KATNA1: variants seen among roughly 807,000 people sequenced by gnomAD.
KATNA1 encodes the protein katanin p60 ATPase-containing subunit A1.
Under a neutral mutation model 62.6 loss-of-function variants are expected in KATNA1, and 42 were observed. That is an observed-to-expected ratio of 0.67 (90% CI 0.52 to 0.87). The LOEUF (loss-of-function observed/expected upper bound fraction) is 0.87. KATNA1 is among the 40% of genes least tolerant of loss of function. The pLI, the probability that KATNA1 is intolerant of heterozygous loss-of-function variation, is 0.00. For missense variants in KATNA1, 498 were observed against 612.5 expected (o/e 0.81, Z 1.97); for synonymous variants, 186 against 201.9 (o/e 0.92, Z 0.67).
At chr6:149,614,921 G>C (rs1779102321) in intron 4 of KATNA1, among the ~76,000 whole-genome samples, 1 of 152,170 alleles carries the variant, frequency 6.6e-6, no homozygotes, top group East Asian at 1.9e-4. Context: ...GATCACTTGA[G>C]GTCAAGAGTT....
At chr6:149,611,774 T>C (rs1160078190) in intron 4 of KATNA1, among the ~76,000 whole-genome samples, 5 of 151,864 alleles carry the variant, frequency 3.3e-5, no homozygotes, top group African/African-American at 7.3e-5. Flanking sequence ...TCAAGGTGGG[T>C]GGATCACGAG....
chr6:149,632,838 T>C lies in KATNA1; in HGVS notation c.241A>G (p.Thr81Ala). Reference sequence around the variant, plus strand: ...TCATGCTGTGCCGCTTTCAAGGGAGTGCTGTCCAGTTTAAAGCTCTCTAGT... The same window carrying C: ...TCATGCTGTGCCGCTTTCAAGGGAGCGCTGTCCAGTTTAAAGCTCTCTAGT... The part of the protein sequence containing the change: ...KTLESFKLDS[T>A]PLKAAQHDLP... Residue 81 changes from threonine to alanine, a missense_variant, in exon 3 of 11, where the codon ACT becomes GCT. By Grantham distance (58) the Thr-to-Ala change is moderately conservative. This residue lies in a region of KATNA1 where 203 missense variants were observed against 198.4 expected (regional missense o/e 1.02). Coordinates refer to ENST00000367411, the MANE Select transcript of KATNA1 (RefSeq NM_007044.4). The C allele has an allele frequency of 6.2e-7, 1 of 1,613,398 alleles. No homozygotes were observed.
intron 1 of KATNA1, among the ~76,000 whole-genome samples, chr6:149,647,136 T>C (rs1780516802): frequency 6.6e-6 from 1 of 151,888 alleles, no homozygotes; most frequent in Admixed American, 6.6e-5. Flanking sequence ...GGGAAGTTGA[T>C]CACTACTGCG....
At chr6:149,631,455 G>C (rs1360763075) in intron 3 of KATNA1, 1 of 151,716 alleles carries the variant, frequency 6.6e-6, no homozygotes, top group Non-Finnish European at 1.5e-5. Flanking sequence ...CGAATGTAGT[G>C]AGTTATCTCA....
chr6:149,623,097 A>G lies in KATNA1; in HGVS notation c.501+6T>C. On this transcript the variant is annotated splice_donor_region_variant and intron_variant, in intron 4 of 10. Transcript: ENST00000367411. ...CTTTCATTTATAAAAATCAATTAAC[A>G]TTTACCTTTTCCTCTCTTCCTTTAT... The G allele has an allele frequency of 6.4e-7, 1 of 1,559,560 alleles. No individual in the cohort carries two copies. Among genetic ancestry groups the G allele is most frequent in the Non-Finnish European group, 8.7e-7 (1 of 1,149,372 alleles).
chr6:149,626,115 A>G (rs1034429907), intron 3 of KATNA1, among the ~76,000 whole-genome samples: 1 of 152,160 alleles, frequency 6.6e-6, no homozygotes, highest in Non-Finnish European at 1.5e-5. Context: ...ACACTGACAT[A>G]TAATAAAGTA....
chr6:149,602,913 G>T (rs1249684608), intron 6 of KATNA1, among the ~76,000 whole-genome samples: 8 of 151,600 alleles, frequency 5.3e-5, no homozygotes, highest in Non-Finnish European at 8.8e-5. Context: ...TAGAGACGGG[G>T]TTTCTCCATG....
chr6:149,599,371 A>G (rs987250460), intron 7 of KATNA1, among the ~76,000 whole-genome samples: 23 of 152,246 alleles, frequency 1.5e-4, no homozygotes, highest in African/African-American at 5.3e-4. Flanking sequence ...ACCAAGCAAA[A>G]GTGACTAGAC....
At chr6:149,645,597 GATT>G (rs1343868147) in intron 1 of KATNA1, among the ~76,000 whole-genome samples, 2 of 152,084 alleles carry the variant, frequency 1.3e-5, no homozygotes, top group African/African-American at 4.8e-5. Context: ...TGGTTACACA[GATT>G]ATTAGAGAGA....
At chr6:149,603,621 A>G (rs1361184070) in intron 5 of KATNA1, among the ~76,000 whole-genome samples, 2 of 152,178 alleles carry the variant, frequency 1.3e-5, no homozygotes, top group African/African-American at 4.8e-5. Flanking sequence ...AACATAGTCT[A>G]CAGGCACACT....
chr6:149,641,722 C>A (rs1190306988), intron 1 of KATNA1, among the ~76,000 whole-genome samples: 1 of 152,136 alleles, frequency 6.6e-6, no homozygotes, highest in Non-Finnish European at 1.5e-5. Context: ...GCATGGATGA[C>A]TTAAGATCAG....
rs1274063411 is a variant in KATNA1, at chr6:149,611,986, C to T, written c.502-7204G>A. Among the ~76,000 whole-genome samples the T allele has an allele frequency of 3.3e-5, 5 of 150,954 alleles. No individual in the cohort carries two copies. In the East Asian group the frequency reaches 9.8e-4, roughly 30 times the overall value. Reference sequence around the variant, plus strand: ...CTGCACTCCAGCCTGGGCGACAAAGCGAGACTCCATCTCAAAAAATAAAAA... The same window carrying T: ...CTGCACTCCAGCCTGGGCGACAAAGTGAGACTCCATCTCAAAAAATAAAAA... On this transcript the variant is annotated intron_variant, in intron 4 of 10. Coordinates refer to ENST00000367411, the MANE Select transcript of KATNA1 (RefSeq NM_007044.4).
At chr6:149,618,666 G>A (rs570522880) in intron 4 of KATNA1, among the ~76,000 whole-genome samples, 3 of 152,100 alleles carry the variant, frequency 2.0e-5, no homozygotes, top group South Asian at 2.1e-4. Context: ...TAGAGAATCC[G>A]GAAATCCATG....
At chr6:149,596,105 A>G (rs1421347015) in intron 10 of KATNA1, among the ~76,000 whole-genome samples, 1 of 152,174 alleles carries the variant, frequency 6.6e-6, no homozygotes, top group African/African-American at 2.4e-5. Context: ...TATTTTACAC[A>G]ATTTATCCTA....
At chr6:149,618,262 G>GA (rs1203477402) in intron 4 of KATNA1, among the ~76,000 whole-genome samples, 1 of 151,482 alleles carries the variant, frequency 6.6e-6, no homozygotes, top group African/African-American at 2.4e-5. Flanking sequence ...CGGATCACCT[G>GA]AGGTCAGGAG....
At position 149,622,233 on chromosome 6, in the gene KATNA1, C is replaced by G. The variant is rs895018919; in HGVS notation, c.501+870G>C. Among the ~76,000 whole-genome samples, 5 of 151,676 alleles carry G rather than the reference C, an allele frequency of 3.3e-5. No homozygotes were observed. In the East Asian group the frequency reaches 9.7e-4, roughly 29 times the overall value. ...CTGCAAGCTCCGCCTCTCGGGTTCA[C>G]GCCATTCTCCTGCCTCAGCCTCCTG... On this transcript the variant is annotated intron_variant, in intron 4 of 10. Transcript: ENST00000367411.
intron 4 of KATNA1, among the ~76,000 whole-genome samples, chr6:149,616,096 TAC>T (rs1283577014): frequency 6.6e-6 from 1 of 152,124 alleles, no homozygotes; most frequent in Non-Finnish European, 1.5e-5. Context: ...GTTTAATGAG[TAC>T]AGAGTTTCAG....
intron 3 of KATNA1, among the ~76,000 whole-genome samples, chr6:149,630,078 G>A (rs9322200): frequency 0.45 from 69,098 of 151,988 alleles, 16,888 homozygotes; most frequent in East Asian, 0.81. Flanking sequence ...TAGCACACCT[G>A]CAACTATGAA....
intron 1 of KATNA1, among the ~76,000 whole-genome samples, chr6:149,640,275 G>T (rs952837461): frequency 6.6e-6 from 1 of 151,692 alleles, no homozygotes; most frequent in Non-Finnish European, 1.5e-5. Flanking sequence ...TGGGCAACAC[G>T]GCAAAACCCC....
Sources: allele counts gnomAD v4.1 joint callset (sites outside exome capture counted in the v4.1 genomes callset), GRCh38; gene constraint gnomAD v4.1.1; regional missense constraint gnomAD v4.1.1; transcripts MANE v1.5; gene names NCBI Gene and HGNC (gene_info 2026-07-23, HGNC 2026-07-21).